ERICH1: variants seen among roughly 807,000 people sequenced by gnomAD.
The protein encoded by ERICH1 is glutamate rich 1.
ERICH1 carries 56 observed loss-of-function variants against 39.6 expected under a neutral mutation model. The observed-to-expected ratio is 1.41, with a 90% confidence interval of 1.14 to 1.77. The LOEUF is 1.77. ERICH1 is among the 40% of genes most tolerant of loss of function. The pLI, the probability that ERICH1 is intolerant of heterozygous loss-of-function variation, is 0.00. For synonymous variants in ERICH1, 313 were observed against 223.6 expected (o/e 1.40, Z -3.57); for missense variants, 826 against 575.4 (o/e 1.44, Z -4.45).
chr8:730,713 T>C (rs1819786908), intron 1 of ERICH1, among the ~76,000 whole-genome samples: 1 of 152,212 alleles, frequency 6.6e-6, no homozygotes, highest in Admixed American at 6.5e-5. Flanking sequence ...GAGGACACAG[T>C]GGCTCTGGGA....
chr8:652,858 C>T (rs1024692288), intron 3 of ERICH1, among the ~76,000 whole-genome samples: 7 of 152,182 alleles, frequency 4.6e-5, no homozygotes, highest in African/African-American at 1.7e-4. Flanking sequence ...ATGTCCGGCA[C>T]CACTAATCAG....
intron 4 of ERICH1, among the ~76,000 whole-genome samples, chr8:673,081 G>A (rs536881463): frequency 1.4e-4 from 21 of 152,350 alleles, no homozygotes; most frequent in Admixed American, 9.8e-4. Context: ...CCACATCATC[G>A]GTGGAAAGCA....
chr8:731,148 C>T lies in ERICH1; in HGVS notation c.14G>A (p.Arg5Lys), dbSNP rs373204487. Residue 5 changes from arginine to lysine, a missense_variant, in exon 1 of 6, where the codon AGG becomes AAG. Coordinates refer to ENST00000262109, the MANE Select transcript of ERICH1 (RefSeq NM_207332.3). ...GCACCGCACCCACCTACCGTGCTTCCTGTGCGCCGCCATGCGGGACCCTGC... is the reference window on the plus strand; with the variant it reads ...GCACCGCACCCACCTACCGTGCTTCTTGTGCGCCGCCATGCGGGACCCTGC... MAAHRKHVFVEKVLQ... is the reference protein window; with the variant it reads MAAHKKHVFVEKVLQ... 1.4e-5 allele frequency: 22 copies of T among 1,519,444 alleles called. No individual in the cohort carries two copies. The highest frequency in any genetic ancestry group is 1.8e-5 in the Non-Finnish European group (21 of 1,136,174). 94.1% of individuals were successfully genotyped at this position (1,519,444 alleles called of 1,614,324 possible). A position where few individuals can be genotyped will look rare whatever the true frequency, so the allele number is the denominator to read the frequency against.
At chr8:699,520 C>G (rs766644644) in intron 2 of ERICH1, among the ~76,000 whole-genome samples, 3 of 152,208 alleles carry the variant, frequency 2.0e-5, no homozygotes, top group Admixed American at 6.5e-5. Flanking sequence ...CCAGACCCTC[C>G]CCACCCCTCA....
At chr8:701,074 A>AT (rs200218296) in intron 2 of ERICH1, among the ~76,000 whole-genome samples, 2,789 of 151,656 alleles carry the variant, frequency 0.018, 33 homozygotes, top group Middle Eastern at 0.038. Flanking sequence ...CATTTTCAAG[A>AT]TTTTTTTTGC....
At position 711,869 on chromosome 8, in the gene ERICH1, T is replaced by C. The variant is rs1814817252; in HGVS notation, c.169+3992A>G. Among the ~76,000 whole-genome samples the C allele has an allele frequency of 2.0e-5, 3 of 152,216 alleles. No individual in the cohort carries two copies. In the South Asian group the frequency reaches 6.2e-4, roughly 31 times the overall value. On this transcript the variant is annotated intron_variant, in intron 2 of 5. Coordinates refer to ENST00000262109, the MANE Select transcript of ERICH1 (RefSeq NM_207332.3). ...GTCTATATTTTTATGCATGTGGATG[T>C]CTAGTTGTGCCAGCCCCATTTGTTG...
At chr8:716,319 C>T (rs1585629575) in intron 1 of ERICH1, among the ~76,000 whole-genome samples, 2 of 152,238 alleles carry the variant, frequency 1.3e-5, no homozygotes, top group Non-Finnish European at 1.5e-5. Flanking sequence ...GCAGGTCCCT[C>T]GGTTCCTCCC....
chr8:712,086 CTTTAT>C (rs999753109), intron 2 of ERICH1, among the ~76,000 whole-genome samples: 20 of 152,154 alleles, frequency 1.3e-4, no homozygotes, highest in Non-Finnish European at 2.8e-4. Context: ...AATGCCAGTC[CTTTAT>C]TTTGTTTTTC....
At chr8:654,660 A>G (rs552588617) in intron 3 of ERICH1, among the ~76,000 whole-genome samples, 4 of 152,286 alleles carry the variant, frequency 2.6e-5, no homozygotes, top group African/African-American at 4.8e-5. Context: ...CCCACTGTCT[A>G]CCAGAGATGG....
chr8:645,043 T>C (rs535973665), intron 3 of ERICH1, among the ~76,000 whole-genome samples: 1 of 68,862 alleles, frequency 1.5e-5, no homozygotes, highest in Admixed American at 1.2e-4. Flanking sequence ...TTCTGAAAAA[T>C]GAAATTTTTA....
At chr8:720,843 G>A (rs368907685) in intron 1 of ERICH1, among the ~76,000 whole-genome samples, 13 of 152,164 alleles carry the variant, frequency 8.5e-5, no homozygotes, top group African/African-American at 2.9e-4. Flanking sequence ...CACTCCTGGA[G>A]GTCACCGTAT....
rs112193502 is a variant in ERICH1, at chr8:634,191, C to A, written c.977-18907G>T. On this transcript the variant is annotated intron_variant, in intron 3 of 3. Coordinates refer to the ERICH1 transcript ENST00000522706. ...CTCAAAAAAAAAAAAAAAAAACAAA[C>A]AAAAAAAACCCTGATTCAAAAATGG... Among the ~76,000 whole-genome samples, 477 of 128,854 alleles carry A rather than the reference C, an allele frequency of 3.7e-3. 1 individual carries two copies. The highest frequency in any genetic ancestry group is 7.8e-3 in the African/African-American group (268 of 34,390). The allele number at this position is 128,854 out of a possible 152,430, so 84.5% of individuals were successfully genotyped here.
intron 2 of ERICH1, among the ~76,000 whole-genome samples, chr8:701,019 T>C (rs1250691551): frequency 6.6e-6 from 1 of 152,236 alleles, no homozygotes; most frequent in Non-Finnish European, 1.5e-5. Flanking sequence ...TCACGGACAA[T>C]GTGAATTGTC....
At chr8:686,144 G>T (rs373796949) in intron 3 of ERICH1, among the ~76,000 whole-genome samples, 2 of 152,154 alleles carry the variant, frequency 1.3e-5, no homozygotes, top group Non-Finnish European at 1.5e-5. Context: ...GACAGAGCGA[G>T]ACTCCATCTC....
intron 2 of ERICH1, among the ~76,000 whole-genome samples, chr8:708,680 A>AGGTTTTTTTTT (rs143708621): frequency 5.4e-5 from 3 of 55,134 alleles, no homozygotes; most frequent in East Asian, 5.1e-4. Context: ...CGGGATAATG[A>AGGTTTTTTTTT]GTTTTTTTTT....
chr8:700,114 C>CAGACCCGCACACGCGCAG (rs1811564529), intron 2 of ERICH1, among the ~76,000 whole-genome samples: 1 of 124,920 alleles, frequency 8.0e-6, no homozygotes, highest in Non-Finnish European at 1.8e-5. Context: ...CACACGCGCA[C>CAGACCCGCACACGCGCAG]ACACCCTCAC....
intron 2 of ERICH1, among the ~76,000 whole-genome samples, chr8:705,570 T>C (rs913520452): frequency 2.0e-5 from 3 of 152,072 alleles, no homozygotes; most frequent in African/African-American, 7.2e-5. Context: ...GCTAACATCA[T>C]ACAGGATGGT....
intron 1 of ERICH1, among the ~76,000 whole-genome samples, chr8:718,390 G>A (rs1816531293): frequency 6.6e-6 from 1 of 152,086 alleles, no homozygotes; most frequent in Non-Finnish European, 1.5e-5. Context: ...AGAAAGGTAG[G>A]GAGCATTTTC....
At chr8:714,694 T>A in intron 2 of ERICH1, among the ~76,000 whole-genome samples, 1 of 25,938 alleles carries the variant, frequency 3.9e-5, no homozygotes, top group African/African-American at 1.5e-4. Context: ...AGGCGGCCTC[T>A]TCCGGCATCT....
Sources: gnomAD v4.1 joint callset for allele counts (sites outside exome capture counted in the v4.1 genomes callset) on GRCh38, gnomAD v4.1.1 for gene constraint, MANE v1.5 for transcripts, NCBI Gene and HGNC (gene_info 2026-07-23, HGNC 2026-07-21) for gene names.